Variants in FAM47C observed in about 807,000 individuals in gnomAD.
The protein encoded by FAM47C is family with sequence similarity 47 member C.
For missense variants in FAM47C, 847 were observed against 879.9 expected, an observed-to-expected ratio of 0.96 and a Z score of 0.47; for synonymous variants, 307 against 346.5, an observed-to-expected ratio of 0.89 and a Z score of 1.27.
rs1556333278 is a variant in FAM47C, at chrX:37,010,995, G to A, written c.2585G>A (p.Gly862Glu). The A allele has an allele frequency of 8.3e-7, 1 of 1,210,704 alleles. No homozygotes were observed. Among genetic ancestry groups the A allele is most frequent in the African/African-American group, 1.7e-5 (1 of 57,300 alleles). ...GACTTCAAGTGGGCTGGAGACCTAG[G>A]AGTTAATGAAGAATCCATCAGCAGT... ...LRDFKWAGDL[G>E]VNEESISSLF... Residue 862 changes from glycine to glutamate, a missense_variant, in exon 1 of 1, where the codon GGA (glycine) becomes GAA (glutamate). By Grantham distance (98) the Gly-to-Glu change is moderately conservative. Transcript: ENST00000358047.
Position 37,011,505 on chromosome X carries a change from C to T in FAM47C, c.3095C>T (p.Ser1032Leu), listed in dbSNP as rs782553697. 1.7e-6 allele frequency: 2 copies of T among 1,180,633 alleles called. No individual in the cohort carries two copies. The highest frequency in any genetic ancestry group is 2.3e-6 in the Non-Finnish European group (2 of 879,852). ...TACAAAGAAGACGTCACAGATGCAT[C>T]GGAAGAAGATTAGATGGTTTTGAAT... The part of the protein sequence containing the change: ...YKYKEDVTDA[S>L]EED Residue 1032 changes from serine (S) to leucine (L), a missense_variant, in exon 1 of 1, where the codon TCG (serine) becomes TTG (leucine). Transcript: ENST00000358047.
chrX:37,009,368 C>G lies in FAM47C; in HGVS notation c.958C>G (p.Pro320Ala), dbSNP rs1391938184. ...PPKSRVSHLR[P>A]EPSETGVSHL... ...CAAGTCACGCGTATCTCATCTCCGC[C>G]CAGAGCCTTCTGAGACTGGAGTGTC... Residue 320 changes from proline (P) to alanine (A), a missense_variant, in exon 1 of 1, where the codon CCA (proline) becomes GCA (alanine). Pro to Ala is a conservative substitution (Grantham distance 27). Transcript: ENST00000358047. 8.3e-7 allele frequency: 1 copy of G among 1,204,423 alleles called. No individual in the cohort carries two copies. Among genetic ancestry groups the G allele is most frequent in the Non-Finnish European group, 1.1e-6 (1 of 893,430 alleles).
rs147168815 is a variant in FAM47C at position 37,010,298 on chromosome X, C to A, written c.1888C>A (p.Leu630Ile). The change falls in exon 1 of 1, where the codon CTC becomes ATC. Residue 630 changes from leucine (L) to isoleucine (I), a missense_variant. Physicochemically the swap from Leu to Ile is conservative, Grantham distance 5. Transcript: ENST00000358047. ...GCCTCCTGAGACTGGAGTGTCCCAT[C>A]TCCGCCCAGAGCCTCCCAAGACTCG... ...PEPPETGVSHLRPEPPKTRMY... is the reference protein window; with the variant it reads ...PEPPETGVSHIRPEPPKTRMY... 21 of 1,180,858 alleles carry A rather than the reference C, an allele frequency of 1.8e-5. No homozygotes were observed. The highest frequency in any genetic ancestry group is 2.1e-5 in the Non-Finnish European group (19 of 885,427).
chrX:37,010,489 G>A lies in FAM47C; in HGVS notation c.2079G>A (p.Glu693=), dbSNP rs138880937. 1.7e-6 allele frequency: 2 copies of A among 1,200,668 alleles called. No individual in the cohort carries two copies. Among genetic ancestry groups the A allele is most frequent in the African/African-American group, 3.7e-5 (2 of 54,331 alleles). ...CTCGCGTATCTCATCTCCGCCCAGA[G>A]CCTCCTGAGACTGGAGTGTCCCGTC... ...PETRVSHLRP[E]PPETGVSRLH... is the part of the protein sequence containing the mutation. The change falls in exon 1 of 1, where the codon GAG becomes GAA. Residue 693 remains glutamate, a synonymous_variant. Transcript: ENST00000358047.
chrX:37,009,818 G>A lies in FAM47C; in HGVS notation c.1408G>A (p.Gly470Arg), dbSNP rs782529288. The A allele has an allele frequency of 3.3e-6, 4 of 1,200,563 alleles. No homozygotes were observed. The highest frequency in any genetic ancestry group is 4.5e-6 in the Non-Finnish European group (4 of 891,673). The change falls in exon 1 of 1, where the codon GGA (glycine) becomes AGA (arginine). Residue 470 changes from glycine (G) to arginine (R), a missense_variant. Gly to Arg is a moderately radical substitution (Grantham distance 125). Coordinates refer to ENST00000358047, the MANE Select transcript of FAM47C (RefSeq NM_001013736.3). ...SSLHLEPPET[G>R]VSHLCPEPPE... Reference sequence around the variant, plus strand: ...TCTCCACCTGGAGCCTCCTGAGACTGGAGTGTCCCATCTCTGCCCGGAGCC... The same window carrying A: ...TCTCCACCTGGAGCCTCCTGAGACTAGAGTGTCCCATCTCTGCCCGGAGCC...
In FAM47C at chrX:37,010,608, C is replaced by T; in HGVS notation, c.2198C>T (p.Thr733Ile). The T allele has an allele frequency of 8.3e-7, 1 of 1,208,658 alleles. No homozygotes were observed. Residue 733 changes from threonine (T) to isoleucine (I), a missense_variant, in exon 1 of 1, where the codon ACT becomes ATT. Thr to Ile is a moderately conservative substitution (Grantham distance 89). Transcript: ENST00000358047. ...VSHLCPEPPE[T>I]GVSHLRPEPP... ...CATCTCTGCCCGGAGCCTCCTGAGA[C>T]TGGAGTGTCCCATCTCCGCCCAGAG...
Position 37,009,975 on chromosome X carries a change from T to A in FAM47C, c.1565T>A (p.Leu522His), listed in dbSNP as rs782607845. 2.2e-5 allele frequency: 27 copies of A among 1,201,258 alleles called. No homozygotes were observed. The Admixed American group carries it at 6.0e-4, about 27-fold the overall frequency. Residue 522 changes from leucine to histidine, a missense_variant, in exon 1 of 1, where the codon CTC becomes CAC. Transcript: ENST00000358047. ...CCTTCTGAGACTGGAGTGTCCCATCTCCGCCCAGAGCCTCCCAAGATTCTG... is the reference window on the plus strand; with the variant it reads ...CCTTCTGAGACTGGAGTGTCCCATCACCGCCCAGAGCCTCCCAAGATTCTG... ...PEPSETGVSH[L>H]RPEPPKILVS...
At position 37,009,965 on chromosome X, in the gene FAM47C, G is replaced by A. The variant is rs782244338; in HGVS notation, c.1555G>A (p.Val519Met). The A allele has an allele frequency of 1.7e-6, 2 of 1,205,476 alleles. No homozygotes were observed. Among genetic ancestry groups the A allele is most frequent in the Admixed American group, 2.2e-5 (1 of 45,595 alleles). ...CCGCCCAGAGCCTTCTGAGACTGGA[G>A]TGTCCCATCTCCGCCCAGAGCCTCC... The part of the protein sequence containing the change: ...HLRPEPSETG[V>M]SHLRPEPPKI... Residue 519 changes from valine (V) to methionine (M), a missense_variant, in exon 1 of 1, where the codon GTG becomes ATG. By Grantham distance (21) the Val-to-Met change is conservative. Coordinates refer to ENST00000358047, the MANE Select transcript of FAM47C (RefSeq NM_001013736.3).
In FAM47C at chrX:37,010,669, G is replaced by A. The variant is rs1188274077; in HGVS notation, c.2259G>A (p.Glu753=). 2.5e-6 allele frequency: 3 copies of A among 1,204,795 alleles called. No homozygotes were observed. The highest frequency in any genetic ancestry group is 1.8e-5 in the African/African-American group (1 of 55,345). The change falls in exon 1 of 1, where the codon GAG becomes GAA. Residue 753 remains glutamate (E), a synonymous_variant. Transcript: ENST00000358047. ...CTCGGGTTTCCAGTCTCCGCCCAGA[G>A]CCTCTTGAGACTCGCGTATCTCATC... is the stretch of plus-strand genomic sequence containing the variant. ...PKPRVSSLRP[E]PLETRVSHLR...
In FAM47C at chrX:37,009,962, G is replaced by C. The variant is rs782529440; in HGVS notation, c.1552G>C (p.Gly518Arg). ...TCTCCGCCCAGAGCCTTCTGAGACT[G>C]GAGTGTCCCATCTCCGCCCAGAGCC... ...SHLRPEPSET[G>R]VSHLRPEPPK... The change falls in exon 1 of 1, where the codon GGA becomes CGA. Residue 518 changes from glycine to arginine, a missense_variant. Transcript: ENST00000358047. 8.3e-7 allele frequency: 1 copy of C among 1,202,845 alleles called. No homozygotes were observed. Among genetic ancestry groups the C allele is most frequent in the Non-Finnish European group, 1.1e-6 (1 of 892,093 alleles).
Position 37,010,957 on chromosome X carries a change from G to A in FAM47C, c.2547G>A (p.Ser849=), listed in dbSNP as rs376287688. The A allele has an allele frequency of 4.1e-6, 5 of 1,212,120 alleles. No homozygotes were observed. Among genetic ancestry groups the A allele is most frequent in the Non-Finnish European group, 5.6e-6 (5 of 895,616 alleles). The change falls in exon 1 of 1, where the codon TCG becomes TCA. Residue 849 remains serine (S), a synonymous_variant. Transcript: ENST00000358047. ...ACTCTCTTCAACGTAGACACACATC[G>A]AGAAAACTCCGTGACTTCAAGTGGG... ...VSDSLQRRHT[S]RKLRDFKWAG... is the part of the protein sequence containing the mutation.
At position 37,011,181 on chromosome X, in the gene FAM47C, A is replaced by C. The variant is rs1995914; in HGVS notation, c.2771A>C (p.Asn924Thr). The C allele has an allele frequency of 0.15, 186,261 of 1,207,961 alleles. 19,717 individuals are homozygous for C. Among genetic ancestry groups the C allele is most frequent in the African/African-American group, 0.79 (44,492 of 56,552 alleles). ...AAAGACTTGGACGGGAAAATCCAGA[A>C]TGCACCAAATTCTCATAGTGCACAG... ...QEKDLDGKIQ[N>T]APNSHSAQHV... The change falls in exon 1 of 1, where the codon AAT (asparagine) becomes ACT (threonine). Residue 924 changes from asparagine to threonine, a missense_variant. Asn to Thr is a moderately conservative substitution (Grantham distance 65, BLOSUM62 0). Coordinates refer to ENST00000358047, the MANE Select transcript of FAM47C (RefSeq NM_001013736.3).
In FAM47C at chrX:37,008,663, G is replaced by C. The variant is rs781924544; in HGVS notation, c.253G>C (p.Gly85Arg). Residue 85 changes from glycine to arginine, a missense_variant, in exon 1 of 1, where the codon GGT becomes CGT. By Grantham distance (125) the Gly-to-Arg change is moderately radical. Transcript: ENST00000358047. ...EFLLPKISLR[G>R]PQADPKSRKK... ...TTTACTCCCCAAAATATCTCTCAGA[G>C]GTCCCCAAGCTGACCCCAAAAGCAG... The C allele has an allele frequency of 5.0e-6, 6 of 1,210,473 alleles. No homozygotes were observed. In the South Asian group the frequency reaches 8.8e-5, roughly 18 times the overall value.
At position 37,009,621 on chromosome X, in the gene FAM47C, C is replaced by T. The variant is rs373282135; in HGVS notation, c.1211C>T (p.Pro404Leu). 28 of 1,205,033 alleles carry T rather than the reference C, an allele frequency of 2.3e-5. No homozygotes were observed. Among genetic ancestry groups the T allele is most frequent in the African/African-American group, 2.0e-4 (11 of 55,494 alleles). Reference protein sequence around the residue: ...TPKNGVSPLFPEPPKTRISNL... With the variant: ...TPKNGVSPLFLEPPKTRISNL... ...AAGAATGGAGTGTCTCCTCTCTTCC[C>T]GGAGCCTCCCAAGACTCGCATATCT... Residue 404 changes from proline (P) to leucine (L), a missense_variant, in exon 1 of 1, where the codon CCG becomes CTG. Transcript: ENST00000358047.
Position 37,009,932 on chromosome X carries a change from T to C in FAM47C, c.1522T>C (p.Ser508Pro), listed in dbSNP as rs1927731052. 6 of 1,203,229 alleles carry C rather than the reference T, an allele frequency of 5.0e-6. No individual in the cohort carries two copies. The highest frequency in any genetic ancestry group is 6.7e-6 in the Non-Finnish European group (6 of 892,232). Residue 508 changes from serine to proline, a missense_variant, in exon 1 of 1, where the codon TCT becomes CCT. Physicochemically the swap from Ser to Pro is moderately conservative, Grantham distance 74. Coordinates refer to ENST00000358047, the MANE Select transcript of FAM47C (RefSeq NM_001013736.3). ...CCCAGAGCCCCCCAAGACACGCGTA[T>C]CTCATCTCCGCCCAGAGCCTTCTGA... is the stretch of plus-strand genomic sequence containing the variant. The part of the protein sequence containing the change: ...LCPEPPKTRV[S>P]HLRPEPSETG...
At position 37,011,297 on chromosome X, in the gene FAM47C, G is replaced by C; in HGVS notation, c.2887G>C (p.Val963Leu). The C allele has an allele frequency of 1.7e-6, 2 of 1,209,608 alleles. No homozygotes were observed. Among genetic ancestry groups the C allele is most frequent in the Non-Finnish European group, 1.1e-6 (1 of 894,655 alleles). ...SDEPLIDPKL[V>L]LEKPDEPDIL... Reference sequence around the variant, plus strand: ...TGAACCTTTGATTGACCCCAAGCTCGTACTTGAAAAGCCTGATGAACCCGA... The same window carrying C: ...TGAACCTTTGATTGACCCCAAGCTCCTACTTGAAAAGCCTGATGAACCCGA... Residue 963 changes from valine (V) to leucine (L), a missense_variant, in exon 1 of 1, where the codon GTA becomes CTA. Transcript: ENST00000358047.
rs1927666391 is a variant in FAM47C, at chrX:37,008,607, A to C, written c.197A>C (p.Glu66Ala). 1 of 1,211,314 alleles carries C rather than the reference A, an allele frequency of 8.3e-7. No individual in the cohort carries two copies. Among genetic ancestry groups the C allele is most frequent in the Non-Finnish European group, 1.1e-6 (1 of 895,423 alleles). Residue 66 changes from glutamate (E) to alanine (A), a missense_variant, in exon 1 of 1, where the codon GAA becomes GCA. Transcript: ENST00000358047. ...DDFRYGCQSPEDTLVCRRDEF... is the reference protein window; with the variant it reads ...DDFRYGCQSPADTLVCRRDEF... ...TTCCGCTACGGCTGTCAGTCTCCTG[A>C]AGATACGCTTGTTTGTCGCCGTGAC... is the stretch of plus-strand genomic sequence containing the variant.
chrX:37,010,556 G>A lies in FAM47C; in HGVS notation c.2146G>A (p.Ala716Thr). ...PPKTRVSSLH[A>T]EPPESRVSHL... is the part of the protein sequence containing the mutation. ...CAAGACTCGGGTGTCCAGTCTCCAC[G>A]CGGAGCCTCCTGAGAGTCGCGTATC... The change falls in exon 1 of 1, where the codon GCG (alanine) becomes ACG (threonine). Residue 716 changes from alanine (A) to threonine (T), a missense_variant. By Grantham distance (58) the Ala-to-Thr change is moderately conservative. Coordinates refer to ENST00000358047, the MANE Select transcript of FAM47C (RefSeq NM_001013736.3). 5.8e-6 allele frequency: 6 copies of A among 1,029,931 alleles called. No homozygotes were observed. The highest frequency in any genetic ancestry group is 7.6e-6 in the Non-Finnish European group (6 of 790,890). The allele number at this position is 1,029,931 out of a possible 1,213,427, so 84.9% of individuals were successfully genotyped here. A position where few individuals can be genotyped will look rare whatever the true frequency, so the allele number is the denominator to read the frequency against.
Position 37,008,835 on chromosome X carries a change from C to G in FAM47C, c.425C>G (p.Pro142Arg), listed in dbSNP as rs782737242. The change falls in exon 1 of 1, where the codon CCT becomes CGT. Residue 142 changes from proline to arginine, a missense_variant. Transcript: ENST00000358047. The part of the protein sequence containing the change: ...AMYPNLGEDM[P>R]PDLLLQVLKP... ...TACCCCAATCTGGGAGAAGATATGC[C>G]TCCAGATCTCCTACTACAGGTACTG... The G allele has an allele frequency of 5.8e-6, 7 of 1,210,310 alleles. No homozygotes were observed. Among genetic ancestry groups the G allele is most frequent in the Non-Finnish European group, 7.8e-6 (7 of 895,282 alleles).
Sources: allele counts gnomAD v4.1 joint callset, GRCh38; gene constraint gnomAD v4.1.1; transcripts MANE v1.5; gene names NCBI Gene and HGNC (gene_info 2026-07-23, HGNC 2026-07-21).